The following NRG3 variants were observed in gnomAD, a reference collection of about 807,000 sequenced individuals.
NRG3 encodes pro-neuregulin-3, membrane-bound isoform.
NRG3 carries 31 observed loss-of-function variants against 66.9 expected under a neutral mutation model. That is an observed-to-expected ratio of 0.46 (90% CI 0.35 to 0.63). The LOEUF (loss-of-function observed/expected upper bound fraction) is 0.63, where lower values mean the gene tolerates loss of function less well. Ranked by LOEUF, NRG3 falls within the 20% of genes least tolerant of loss-of-function variation. The pLI is 0.00. For missense variants in NRG3, 910 were observed against 878.9 expected (o/e 1.04, Z -0.45); for synonymous variants, 393 against 359.4 (o/e 1.09, Z -1.06).
At chr10:82,952,499 G>A (rs1235054461) in intron 5 of NRG3, among the ~76,000 whole-genome samples, 1 of 148,650 alleles carries the variant, frequency 6.7e-6, no homozygotes, top group Non-Finnish European at 1.5e-5. Context: ...GTGTGTGTGT[G>A]TGTGTGTGTG....
At chr10:82,255,592 AAAAAC>A (rs1199458390) in intron 1 of NRG3, among the ~76,000 whole-genome samples, 2 of 151,850 alleles carry the variant, frequency 1.3e-5, no homozygotes, top group African/African-American at 4.8e-5. Flanking sequence ...TTTTTTTTTA[AAAAAC>A]AAAAAACAAA....
intron 3 of NRG3, among the ~76,000 whole-genome samples, chr10:82,785,176 G>A (rs1409531700): frequency 2.0e-5 from 3 of 151,596 alleles, no homozygotes; most frequent in South Asian, 4.2e-4. Context: ...GACACAGGAA[G>A]GGGAACATCA....
intron 2 of NRG3, among the ~76,000 whole-genome samples, chr10:82,552,529 T>A (rs944240644): frequency 1.3e-5 from 2 of 152,142 alleles, no homozygotes; most frequent in Non-Finnish European, 2.9e-5. Context: ...TTCAGCGTAA[T>A]GCTCCCAGAA....
In NRG3 at chr10:82,581,905, A is replaced by G. The variant is rs573295238; in HGVS notation, c.954-156672A>G. Among the ~76,000 whole-genome samples the G allele has an allele frequency of 2.1e-4, 32 of 149,476 alleles. No individual in the cohort carries two copies. In the South Asian group the frequency reaches 5.8e-3, roughly 27 times the overall value. ...TTGACCCAATTTTTGTGAACAATGT[A>G]AGGTCCGTGTTTAGATACACTTTTT... On this transcript the variant is annotated intron_variant, in intron 2 of 8. Coordinates refer to ENST00000372141, the MANE Select transcript of NRG3 (RefSeq NM_001010848.4).
intron 2 of NRG3, among the ~76,000 whole-genome samples, chr10:82,697,217 A>G (rs569380872): frequency 1.3e-5 from 2 of 152,346 alleles, no homozygotes; most frequent in Non-Finnish European, 2.9e-5. Flanking sequence ...ATAAAATGAC[A>G]ACACAAACAC....
chr10:82,307,145 CTAT>C (rs2080786140), intron 1 of NRG3, among the ~76,000 whole-genome samples: 1 of 151,886 alleles, frequency 6.6e-6, no homozygotes. Flanking sequence ...ATTGTACTCT[CTAT>C]TAAAGGGCAA....
At chr10:82,403,207 A>G (rs953453945) in intron 2 of NRG3, among the ~76,000 whole-genome samples, 3 of 152,038 alleles carry the variant, frequency 2.0e-5, no homozygotes, top group Non-Finnish European at 2.9e-5. Context: ...TATTGACTCT[A>G]TTTTCTCAGT....
chr10:82,935,780 C>T (rs61858815), intron 4 of NRG3, among the ~76,000 whole-genome samples: 57,348 of 151,436 alleles, frequency 0.38, 11,686 homozygotes, highest in Middle Eastern at 0.48. Flanking sequence ...CGTGCCACCA[C>T]GCCTGGATAA....
chr10:82,476,531 G>C (rs1426886534), intron 2 of NRG3, among the ~76,000 whole-genome samples: 3 of 152,132 alleles, frequency 2.0e-5, no homozygotes, highest in African/African-American at 7.2e-5. Context: ...CCTTAAAAAG[G>C]AAGAAAATTC....
At chr10:82,906,408 T>C (rs1402040851) in intron 4 of NRG3, among the ~76,000 whole-genome samples, 3 of 152,214 alleles carry the variant, frequency 2.0e-5, no homozygotes, top group Non-Finnish European at 2.9e-5. Flanking sequence ...TTTGGGCTTT[T>C]ATTAAAACAT....
At chr10:82,938,411 G>T (rs1193820999) in intron 4 of NRG3, among the ~76,000 whole-genome samples, 1 of 152,172 alleles carries the variant, frequency 6.6e-6, no homozygotes, top group Non-Finnish European at 1.5e-5. Flanking sequence ...GAGTCCATAT[G>T]CCTGCTCTAT....
At chr10:82,513,019 G>A (rs1280071426) in intron 2 of NRG3, among the ~76,000 whole-genome samples, 1 of 152,070 alleles carries the variant, frequency 6.6e-6, no homozygotes, top group African/African-American at 2.4e-5. Context: ...AGGTAAATGT[G>A]TGCCATGGTG....
chr10:82,269,865 C>T (rs557784289), intron 1 of NRG3, among the ~76,000 whole-genome samples: 5 of 152,180 alleles, frequency 3.3e-5, no homozygotes, highest in South Asian at 2.1e-4. Context: ...TTGAAAGACA[C>T]GGATTTCCTG....
At chr10:82,841,782 C>G (rs1213853637) in intron 3 of NRG3, among the ~76,000 whole-genome samples, 1 of 152,146 alleles carries the variant, frequency 6.6e-6, no homozygotes, top group African/African-American at 2.4e-5. Flanking sequence ...TAACTGGGTA[C>G]TATAGCCTAG....
chr10:82,964,202 CT>C, intron 6 of NRG3, among the ~76,000 whole-genome samples: 1 of 152,178 alleles, frequency 6.6e-6, no homozygotes, highest in East Asian at 1.9e-4. Flanking sequence ...AAAGCTGCTT[CT>C]TTCAAGAAGT....
chr10:82,324,526 G>A (rs1304430426), intron 1 of NRG3, among the ~76,000 whole-genome samples: 35 of 151,910 alleles, frequency 2.3e-4, no homozygotes, highest in Admixed American at 1.9e-3. Context: ...AACATGAGGT[G>A]TTTTTAAAAT....
At position 82,855,546 on chromosome 10, in the gene NRG3, C is replaced by T. The variant is rs530814354; in HGVS notation, c.1028-9865C>T. On this transcript the variant is annotated intron_variant, in intron 3 of 8. Coordinates refer to ENST00000372141, the MANE Select transcript of NRG3 (RefSeq NM_001010848.4). ...CCTGGTAGCTGGGACTATAAGCACA[C>T]ACCACCATGCCCGGCTGATTTTCGT... Among the ~76,000 whole-genome samples, 8 of 152,200 alleles carry T rather than the reference C, an allele frequency of 5.3e-5. No individual in the cohort carries two copies. In the East Asian group the frequency reaches 1.2e-3, roughly 22 times the overall value.
chr10:82,287,543 G>A (rs766343760), intron 1 of NRG3, among the ~76,000 whole-genome samples: 13 of 151,876 alleles, frequency 8.6e-5, no homozygotes, highest in Non-Finnish European at 1.9e-4. Flanking sequence ...GAGGTCTTTG[G>A]TAGGAGTATG....
At chr10:82,014,008 C>T (rs1029264503) in intron 1 of NRG3, among the ~76,000 whole-genome samples, 1 of 152,092 alleles carries the variant, frequency 6.6e-6, no homozygotes, top group Non-Finnish European at 1.5e-5. Flanking sequence ...AGAGTAGAAG[C>T]GTTTGGGAGA....
Sources: allele counts gnomAD v4.1 joint callset (sites outside exome capture counted in the v4.1 genomes callset), GRCh38; gene constraint gnomAD v4.1.1; transcripts MANE v1.5; gene names NCBI Gene and HGNC (gene_info 2026-07-23, HGNC 2026-07-21).